Variants in UNC13C observed in about 807,000 individuals in gnomAD.
UNC13C encodes the protein unc-13 homolog C.
UNC13C carries 174 observed loss-of-function variants against 245.4 expected under a neutral mutation model. The observed-to-expected ratio is 0.71, with a 90% CI of 0.63 to 0.80. The LOEUF is 0.80. Ranked by LOEUF, UNC13C falls within the 30% of genes least tolerant of loss-of-function variation. The pLI, the probability that UNC13C is intolerant of heterozygous loss-of-function variation, is 0.00. For synonymous variants in UNC13C, 992 were observed against 895.1 expected (o/e 1.11, Z -1.93); for missense variants, 2,829 against 2,602.9 (o/e 1.09, Z -1.89).
the UNC13C span, among the ~76,000 whole-genome samples, chr15:53,866,147 G>A: frequency 4.6e-5 from 7 of 152,272 alleles, no homozygotes; most frequent in East Asian, 5.8e-4. Flanking sequence ...GTACCTACAC[G>A]TTATTTGTGA....
At chr15:54,146,299 T>C (rs1049908323) in intron 4 of UNC13C, among the ~76,000 whole-genome samples, 1 of 152,172 alleles carries the variant, frequency 6.6e-6, no homozygotes, top group Admixed American at 6.6e-5. Context: ...ATCTTTCACT[T>C]TTCTACCTTC....
At chr15:54,093,874 A>C (rs1899704509) in intron 2 of UNC13C, among the ~76,000 whole-genome samples, 1 of 152,236 alleles carries the variant, frequency 6.6e-6, no homozygotes, top group South Asian at 2.1e-4. Flanking sequence ...CCCATGGCAA[A>C]AATAAGTAAG....
At chr15:54,331,089 A>T (rs940504415) in intron 14 of UNC13C, among the ~76,000 whole-genome samples, 2 of 152,028 alleles carry the variant, frequency 1.3e-5, no homozygotes, top group Non-Finnish European at 2.9e-5. Context: ...ATACCCCATA[A>T]ATCCACCTCC....
the UNC13C span, among the ~76,000 whole-genome samples, chr15:53,846,499 G>A: frequency 7.2e-5 from 11 of 152,178 alleles, no homozygotes; most frequent in African/African-American, 2.7e-4. Flanking sequence ...TTGTGGATTT[G>A]TGCAAGTTAC....
At chr15:54,128,909 C>G (rs1172227867) in intron 2 of UNC13C, among the ~76,000 whole-genome samples, 2 of 152,146 alleles carry the variant, frequency 1.3e-5, no homozygotes, top group South Asian at 4.1e-4. Flanking sequence ...TGACTCTCAA[C>G]TAGGCCTCTC....
chr15:54,566,754 A>G (rs995237455), intron 29 of UNC13C, among the ~76,000 whole-genome samples: 3 of 152,140 alleles, frequency 2.0e-5, no homozygotes, highest in African/African-American at 7.2e-5. Context: ...TGAGAAAATC[A>G]GCTCATTGAA....
intron 30 of UNC13C, among the ~76,000 whole-genome samples, chr15:54,597,101 C>T (rs1436169766): frequency 6.6e-6 from 1 of 152,146 alleles, no homozygotes; most frequent in Admixed American, 6.5e-5. Flanking sequence ...AGTGCACAAC[C>T]CAGATCCCTC....
intron 4 of UNC13C, among the ~76,000 whole-genome samples, chr15:54,171,624 G>GA (rs984192982): frequency 5.3e-5 from 8 of 152,004 alleles, no homozygotes; most frequent in Admixed American, 3.9e-4. Context: ...TGAGAATGTG[G>GA]AAAAAAGGGA....
At chr15:54,573,286 T>C (rs1267947796) in intron 30 of UNC13C, among the ~76,000 whole-genome samples, 1 of 152,162 alleles carries the variant, frequency 6.6e-6, no homozygotes, top group Non-Finnish European at 1.5e-5. Flanking sequence ...ATGTCATCTT[T>C]CTGTAGTAGT....
chr15:54,512,508 C>A, intron 24 of UNC13C: 1 of 377,406 alleles, frequency 2.6e-6, no homozygotes. Context: ...GAAATACTAG[C>A]TATGCACCTG....
At chr15:53,840,536 A>C in the UNC13C span, among the ~76,000 whole-genome samples, 1 of 152,140 alleles carries the variant, frequency 6.6e-6, no homozygotes, top group Non-Finnish European at 1.5e-5. Flanking sequence ...AGCAGTCATG[A>C]GGCAAAGTAT....
At chr15:53,839,221 C>G in the UNC13C span, among the ~76,000 whole-genome samples, 1 of 151,932 alleles carries the variant, frequency 6.6e-6, no homozygotes, top group Non-Finnish European at 1.5e-5. Flanking sequence ...CTTCCCATCC[C>G]CCAATTAGGA....
chr15:54,611,603 T>G (rs1808259398), intron 30 of UNC13C: 1 of 152,166 alleles, frequency 6.6e-6, no homozygotes, highest in Non-Finnish European at 1.5e-5. Flanking sequence ...TAAACTCTTC[T>G]GGAAAAGTAT....
Position 53,978,864 on chromosome 15 carries a change from C to A in UNC13C, c.-320C>A, listed in dbSNP as rs1331489036. ...TTCCTAAAAGGAAAACACATACACT[C>A]CAAAAGGAGGGGAAGAACAACCCAG... On this transcript the variant is annotated 5_prime_UTR_variant, in exon 1 of 33. Transcript: ENST00000260323. Among the ~76,000 whole-genome samples, 1 of 152,086 alleles carries A rather than the reference C, an allele frequency of 6.6e-6. No homozygotes were observed. Among genetic ancestry groups the A allele is most frequent in the African/African-American group, 2.4e-5 (1 of 41,396 alleles).
the UNC13C span, among the ~76,000 whole-genome samples, chr15:53,939,809 G>T: frequency 2.6e-5 from 3 of 115,816 alleles, no homozygotes; most frequent in African/African-American, 8.9e-5. Context: ...CCAAGAGAAA[G>T]GACGAGAGAG....
intron 22 of UNC13C, among the ~76,000 whole-genome samples, chr15:54,503,026 G>A (rs1894297941): frequency 6.8e-6 from 1 of 147,672 alleles, no homozygotes; most frequent in African/African-American, 2.5e-5. Flanking sequence ...GAGGTCACAA[G>A]GAAGGTCATA....
chr15:53,916,163 G>A, the UNC13C span, among the ~76,000 whole-genome samples: 3 of 152,128 alleles, frequency 2.0e-5, no homozygotes, highest in Non-Finnish European at 4.4e-5. Flanking sequence ...AGAAGAGCTT[G>A]GATCCCACAA....
At chr15:54,401,748 C>T (rs759492124) in intron 18 of UNC13C, among the ~76,000 whole-genome samples, 2 of 152,088 alleles carry the variant, frequency 1.3e-5, no homozygotes, top group Non-Finnish European at 2.9e-5. Context: ...GTTCAACGCA[C>T]TCTTCAGCGC....
At chr15:54,228,166 A>G (rs2035447832) in intron 4 of UNC13C, among the ~76,000 whole-genome samples, 2 of 152,088 alleles carry the variant, frequency 1.3e-5, no homozygotes, top group African/African-American at 4.8e-5. Flanking sequence ...CTGCCTGGCT[A>G]CAGTCAGCGT....
Sources: gnomAD v4.1 joint callset for allele counts (sites outside exome capture counted in the v4.1 genomes callset) on GRCh38, gnomAD v4.1.1 for gene constraint, MANE v1.5 for transcripts, NCBI Gene and HGNC (gene_info 2026-07-23, HGNC 2026-07-21) for gene names.